Variants in EXT1 observed in about 807,000 individuals in gnomAD.
The protein encoded by EXT1 is exostosin glycosyltransferase 1, also known as exostosin-1.
EXT1 carries 20 observed loss-of-function variants against 82.5 expected under a neutral mutation model. The ratio of observed to expected loss-of-function variants is 0.24; its 90% CI spans 0.17 to 0.35. The LOEUF is 0.35. Ranked by LOEUF, EXT1 falls within the 10% of genes least tolerant of loss-of-function variation. The pLI, the probability that EXT1 is intolerant of heterozygous loss-of-function variation, is 1.00. For missense variants in EXT1, 757 were observed against 936.5 expected (o/e 0.81, Z 2.50); for synonymous variants, 348 against 350.8 (o/e 0.99, Z 0.09).
chr8:117,851,138 T>C (rs1482123599), intron 1 of EXT1, among the ~76,000 whole-genome samples: 1 of 151,928 alleles, frequency 6.6e-6, no homozygotes, highest in Non-Finnish European at 1.5e-5. Context: ...GAGGGAATCA[T>C]AAAATCAAAC....
intron 1 of EXT1, among the ~76,000 whole-genome samples, chr8:117,854,955 C>T (rs1006876134): frequency 6.6e-6 from 1 of 152,190 alleles, no homozygotes; most frequent in African/African-American, 2.4e-5. Context: ...GCAATGAGCA[C>T]TGAAAAGATT....
In EXT1 at chr8:118,090,778, C is replaced by CAAAAAAAAAAAAAAAAAA. The variant is rs11318164; in HGVS notation, c.962+19289_962+19306dup. Among the ~76,000 whole-genome samples, 4 of 27,180 alleles carry CAAAAAAAAAAAAAAAAAA rather than the reference C, an allele frequency of 1.5e-4. 1 individual carries two copies. The highest frequency in any genetic ancestry group is 2.7e-4 in the Non-Finnish European group (4 of 14,628). 17.8% of individuals were successfully genotyped at this position (27,180 alleles called of 152,430 possible). A position where few individuals can be genotyped will look rare whatever the true frequency, so the allele number is the denominator to read the frequency against. On this transcript the variant is annotated intron_variant, in intron 1 of 10. Coordinates refer to ENST00000378204, the MANE Select transcript of EXT1 (RefSeq NM_000127.3). ...TGGGTGAGACAGTGAGATTCTGTCT[C>CAAAAAAAAAAAAAAAAAA]AAAAAAAAAAAAAAAAAAAAAAAAA...
chr8:118,084,155 G>A (rs1355486150), intron 1 of EXT1, among the ~76,000 whole-genome samples: 1 of 152,190 alleles, frequency 6.6e-6, no homozygotes, highest in Admixed American at 6.5e-5. Context: ...CAGTCAAACT[G>A]AATGGGAGAG....
intron 8 of EXT1, among the ~76,000 whole-genome samples, 182 bp downstream of exon 8, chr8:117,812,690 A>C (rs1352149796): frequency 1.3e-5 from 2 of 152,228 alleles, no homozygotes; most frequent in Non-Finnish European, 2.9e-5. Flanking sequence ...TGCCCGCCTC[A>C]GAGTGCCAGG....
chr8:117,808,179 T>C (rs1586990756), intron 8 of EXT1, among the ~76,000 whole-genome samples: 1 of 152,354 alleles, frequency 6.6e-6, no homozygotes, highest in South Asian at 2.1e-4. Flanking sequence ...CTGATTTCTA[T>C]GATCATTTGA....
chr8:117,848,116 T>C (rs1812395173), intron 1 of EXT1, among the ~76,000 whole-genome samples: 1 of 152,208 alleles, frequency 6.6e-6, no homozygotes, highest in Admixed American at 6.5e-5. Flanking sequence ...CAACTTACTA[T>C]GAACGCTGCA....
chr8:117,946,985 T>C (rs968475021), intron 1 of EXT1, among the ~76,000 whole-genome samples: 11 of 152,140 alleles, frequency 7.2e-5, no homozygotes, highest in African/African-American at 2.4e-4. Context: ...TTGAGGAGTA[T>C]ATGGGTTACC....
intron 3 of EXT1, among the ~76,000 whole-genome samples, chr8:117,834,619 C>CAG (rs1158054947): frequency 2.9e-5 from 1 of 34,696 alleles, no homozygotes; most frequent in African/African-American, 7.0e-5. Flanking sequence ...AACACAAACA[C>CAG]ACACACATAC....
chr8:117,980,646 T>G (rs1815170396), intron 1 of EXT1, among the ~76,000 whole-genome samples: 1 of 151,834 alleles, frequency 6.6e-6, no homozygotes, highest in South Asian at 2.1e-4. Flanking sequence ...GGTCTGTACT[T>G]TAACCCAGAT....
At chr8:117,878,911 C>A (rs910431579) in intron 1 of EXT1, among the ~76,000 whole-genome samples, 1 of 152,222 alleles carries the variant, frequency 6.6e-6, no homozygotes, top group Admixed American at 6.5e-5. Context: ...GGGCTATGCT[C>A]CACTTCTTCA....
At chr8:117,872,002 T>G (rs1812881569) in intron 1 of EXT1, among the ~76,000 whole-genome samples, 1 of 151,990 alleles carries the variant, frequency 6.6e-6, no homozygotes, top group Admixed American at 6.6e-5. Flanking sequence ...TGGGGTGGCG[T>G]GTACCTGTAG....
intron 1 of EXT1, among the ~76,000 whole-genome samples, chr8:117,979,607 A>G (rs1318241859): frequency 1.3e-5 from 2 of 152,134 alleles, no homozygotes; most frequent in East Asian, 1.9e-4. Flanking sequence ...AAAGGGTAAC[A>G]CGAACATGAA....
chr8:117,993,001 CA>C (rs1457840764), intron 1 of EXT1, among the ~76,000 whole-genome samples: 1 of 152,184 alleles, frequency 6.6e-6, no homozygotes, highest in Non-Finnish European at 1.5e-5. Flanking sequence ...TCCTTCCAAC[CA>C]GAGGGACATA....
chr8:118,108,644 G>A (rs1321906097), intron 1 of EXT1, among the ~76,000 whole-genome samples: 1 of 152,132 alleles, frequency 6.6e-6, no homozygotes, highest in South Asian at 2.1e-4. Flanking sequence ...AAAGGTATTG[G>A]GGGTTGGAAA....
chr8:117,954,195 T>C (rs1308669305), intron 1 of EXT1, among the ~76,000 whole-genome samples: 2 of 152,218 alleles, frequency 1.3e-5, no homozygotes, highest in African/African-American at 4.8e-5. Flanking sequence ...CAGCTCTGAC[T>C]GCCCCTCAGG....
intron 4 of EXT1, among the ~76,000 whole-genome samples, chr8:117,824,459 C>T (rs1040672025): frequency 4.6e-5 from 7 of 152,186 alleles, no homozygotes; most frequent in Non-Finnish European, 7.3e-5. Flanking sequence ...GGTACGAAAG[C>T]AGTAGCAAAT....
intron 1 of EXT1, among the ~76,000 whole-genome samples, chr8:118,096,559 C>T (rs1307231974): frequency 1.3e-5 from 2 of 150,752 alleles, no homozygotes; most frequent in Admixed American, 1.3e-4. Flanking sequence ...CGAGATCACG[C>T]CACTGCGGCC....
chr8:118,078,972 G>C (rs950736425), intron 1 of EXT1, among the ~76,000 whole-genome samples: 1 of 152,158 alleles, frequency 6.6e-6, no homozygotes, highest in African/African-American at 2.4e-5. Flanking sequence ...TCCATTAAAA[G>C]AGAAGTTATG....
At chr8:117,870,823 T>TCTCACACACACA (rs150568638) in intron 1 of EXT1, among the ~76,000 whole-genome samples, 2 of 146,774 alleles carry the variant, frequency 1.4e-5, no homozygotes, top group African/African-American at 5.2e-5. Flanking sequence ...AAATGCTTTG[T>TCTCACACACACA]CACACACACA....
Sources: allele counts gnomAD v4.1 joint callset (sites outside exome capture counted in the v4.1 genomes callset), GRCh38; gene constraint gnomAD v4.1.1; transcripts MANE v1.5; gene names NCBI Gene and HGNC (gene_info 2026-07-23, HGNC 2026-07-21).